The following RTCB variants were observed in gnomAD, a reference collection of about 807,000 sequenced individuals.
RTCB encodes RNA 2',3'-cyclic phosphate and 5'-OH ligase, also known as RNA-splicing ligase RTCB.
RTCB carries 32 observed loss-of-function variants against 58.2 expected under a neutral mutation model. The observed-to-expected ratio is 0.55, with a 90% CI of 0.41 to 0.74. The LOEUF (loss-of-function observed/expected upper bound fraction) is 0.74. Ranked by LOEUF, RTCB falls within the 30% of genes least tolerant of loss-of-function variation. The pLI, the probability that RTCB is intolerant of heterozygous loss-of-function variation, is 0.00. For missense variants in RTCB, 523 were observed against 639.0 expected (o/e 0.82, Z 1.96); for synonymous variants, 247 against 218.6 (o/e 1.13, Z -1.15).
At chr22:32,411,809 T>C (rs1933529071) in intron 1 of RTCB, among the ~76,000 whole-genome samples, 1 of 152,086 alleles carries the variant, frequency 6.6e-6, no homozygotes, top group Non-Finnish European at 1.5e-5. Context: ...GAAACCCCAA[T>C]TTCGTATTTA....
intron 3 of RTCB, chr22:32,407,627 A>C (rs1267376998): frequency 6.6e-6 from 1 of 152,642 alleles, no homozygotes; most frequent in Non-Finnish European, 1.5e-5. Flanking sequence ...ATCCAGGAAT[A>C]ATGTTACCAT....
chr22:32,411,352 G>A (rs867025768), intron 1 of RTCB, among the ~76,000 whole-genome samples: 1 of 152,134 alleles, frequency 6.6e-6, no homozygotes, highest in African/African-American at 2.4e-5. Flanking sequence ...GATGAAGGCC[G>A]AGAGATACAG....
At chr22:32,406,119 A>G (rs1176165244) in intron 4 of RTCB, among the ~76,000 whole-genome samples, 1 of 152,176 alleles carries the variant, frequency 6.6e-6, no homozygotes, top group East Asian at 1.9e-4. Flanking sequence ...TTTGTAGCCA[A>G]AGTCTGAATA....
chr22:32,394,990 C>T, intron 9 of RTCB, 36 bp downstream of exon 9: 1 of 1,546,266 alleles, frequency 6.5e-7, no homozygotes, highest in Non-Finnish European at 8.8e-7. Context: ...AAATCGTGCC[C>T]CCACTGCTTA....
At position 32,406,706 on chromosome 22, in the gene RTCB, A is replaced by G. The variant is rs759978858; in HGVS notation, c.296T>C (p.Met99Thr). Residue 99 changes from methionine (M) to threonine (T), a missense_variant, in exon 4 of 12, where the codon ATG becomes ACG. Coordinates refer to ENST00000216038, the MANE Select transcript of RTCB (RefSeq NM_014306.5). ...HSGYGFAIGN[M>T]AAFDMNDPEA... ...AGGGTCATTCATATCAAAGGCTGCC[A>G]TGTTCCCAATAGCAAACCCATATCC... 1 of 1,613,032 alleles carries G rather than the reference A, an allele frequency of 6.2e-7. No homozygotes were observed. Among genetic ancestry groups the G allele is most frequent in the Non-Finnish European group, 8.5e-7 (1 of 1,179,146 alleles).
At position 32,401,838 on chromosome 22, in the gene RTCB, C is replaced by T. The variant is rs536642868; in HGVS notation, c.406G>A (p.Val136Ile). The change falls in exon 5 of 12, where the codon GTC (valine) becomes ATC (isoleucine). Residue 136 changes from valine (V) to isoleucine (I), a missense_variant. Val to Ile is a conservative substitution (Grantham distance 29, BLOSUM62 3). Coordinates refer to ENST00000216038, the MANE Select transcript of RTCB (RefSeq NM_014306.5). ...GCAAGTTGCTCCTTCACAGGCTGGACATCACTTTCATCTAAATTGGTTCTT... is the reference window on the plus strand; with the variant it reads ...GCAAGTTGCTCCTTCACAGGCTGGATATCACTTTCATCTAAATTGGTTCTT... ...LLRTNLDESD[V>I]QPVKEQLAQA... is the part of the protein sequence containing the mutation. The T allele has an allele frequency of 4.9e-5, 79 of 1,614,110 alleles. 1 individual carries two copies. In the South Asian group the frequency reaches 8.3e-4, roughly 17 times the overall value.
chr22:32,406,744 A>G lies in RTCB; in HGVS notation c.258T>C (p.Pro86=). The change falls in exon 4 of 12, where the codon CCT becomes CCC. Residue 86 remains proline (P), a synonymous_variant. Transcript: ENST00000216038. ...CAAACCCATATCCTGAATGGACATC[A>G]GGAAGCCCAATAGATCGCTGAAAAA... is the stretch of plus-strand genomic sequence containing the variant. ...PGIVHRSIGL[P]DVHSGYGFAI... 1 of 1,611,622 alleles carries G rather than the reference A, an allele frequency of 6.2e-7. No homozygotes were observed. The highest frequency in any genetic ancestry group is 8.5e-7 in the Non-Finnish European group (1 of 1,178,000).
rs144656097 is a variant in RTCB at position 32,406,568 on chromosome 22, G to A, written c.340+94C>T. On this transcript the variant is annotated intron_variant, in intron 4 of 11. Coordinates refer to ENST00000216038, the MANE Select transcript of RTCB (RefSeq NM_014306.5). ...GATCTCTTGACCTCATGATCCACCC[G>A]CCTCGGCCTCCCAAAGTGCTGGGAT... The A allele has an allele frequency of 4.5e-3, 3,388 of 747,262 alleles. 81 individuals carry two copies. The African/African-American group carries it at 0.053, about 12-fold the overall frequency. 46.3% of individuals were successfully genotyped at this position (747,262 alleles called of 1,614,324 possible). A position where few individuals can be genotyped will look rare whatever the true frequency, so the allele number is the denominator to read the frequency against.
chr22:32,391,768 C>A (rs1192619293), intron 11 of RTCB, among the ~76,000 whole-genome samples: 1 of 152,124 alleles, frequency 6.6e-6, no homozygotes, highest in Non-Finnish European at 1.5e-5. Context: ...TTTTTCTTTT[C>A]TCTTAAATCA....
rs1179754633 is a variant in RTCB, at chr22:32,395,078, C to T, written c.1127G>A (p.Gly376Glu). The T allele has an allele frequency of 1.2e-6, 2 of 1,614,044 alleles. No homozygotes were observed. The highest frequency in any genetic ancestry group is 1.3e-5 in the African/African-American group (1 of 74,904). ...KERTLLVHRK[G>E]STRAFPPHHP... is the part of the protein sequence containing the mutation. ...GTGAGGAGGGAAAGCGCGGGTGGAT[C>T]CCTTCCTGTGTACTAACAGTGTCCG... is the stretch of plus-strand genomic sequence containing the variant. Residue 376 changes from glycine (G) to glutamate (E), a missense_variant, in exon 9 of 12, where the codon GGA becomes GAA. This residue lies in a region of RTCB where 248 missense variants were observed against 292.5 expected (regional missense o/e 0.85). Transcript: ENST00000216038.
Position 32,387,929 on chromosome 22 carries a change from A to G in RTCB, c.*63T>C, listed in dbSNP as rs1020931514. On this transcript the variant is annotated 3_prime_UTR_variant, in exon 12 of 12. Coordinates refer to ENST00000216038, the MANE Select transcript of RTCB (RefSeq NM_014306.5). ...GCCTTGAGTCTGATGTCAGAAGAGC[A>G]TGTCAGTCCACTTCCACTTCAGAGA... 9.4e-7 allele frequency: 1 copy of G among 1,067,854 alleles called. No individual in the cohort carries two copies. The highest frequency in any genetic ancestry group is 1.6e-5 in the African/African-American group (1 of 64,322). 66.1% of individuals were successfully genotyped at this position (1,067,854 alleles called of 1,614,324 possible). A position where few individuals can be genotyped will look rare whatever the true frequency, so the allele number is the denominator to read the frequency against.
chr22:32,388,352 C>G (rs1018063358), intron 11 of RTCB, among the ~76,000 whole-genome samples: 4 of 150,796 alleles, frequency 2.7e-5, no homozygotes, highest in Non-Finnish European at 5.9e-5. Context: ...ACTTGTATAA[C>G]TAGGAAATGT....
chr22:32,394,127 T>TC, intron 9 of RTCB, 125 bp from the exon 10 acceptor site: 2 of 609,776 alleles, frequency 3.3e-6, no homozygotes, highest in South Asian at 3.9e-5. Flanking sequence ...TTTTTTTTTT[T>TC]TGAGATGGGA....
chr22:32,389,752 T>G (rs996251323), intron 11 of RTCB, among the ~76,000 whole-genome samples: 1 of 152,218 alleles, frequency 6.6e-6, no homozygotes, highest in African/African-American at 2.4e-5. Flanking sequence ...TCTGCATCAT[T>G]AATTTCTCTT....
chr22:32,388,123 T>C (rs777809130), intron 11 of RTCB, 24 bp from the exon 12 acceptor site: 2 of 1,435,646 alleles, frequency 1.4e-6, no homozygotes, highest in Non-Finnish European at 2.0e-6. Flanking sequence ...ATTTAAACAT[T>C]GTACAAGTCC....
At chr22:32,396,047 G>A (rs757491506) in intron 8 of RTCB, 27 bp downstream of exon 8, 20 of 1,609,362 alleles carry the variant, frequency 1.2e-5, no homozygotes, top group South Asian at 8.8e-5. Context: ...TGAATGACTC[G>A]GAACAGAAGA....
At chr22:32,392,410 C>G in intron 10 of RTCB, 51 bp from the exon 11 acceptor site, 1 of 1,612,186 alleles carries the variant, frequency 6.2e-7, no homozygotes, top group Non-Finnish European at 8.5e-7. Context: ...ATGATAAGCC[C>G]TTTCCCTGAT....
At position 32,395,127 on chromosome 22, in the gene RTCB, G is replaced by C; in HGVS notation, c.1078C>G (p.Gln360Glu). ...CGTTCCTTTCCGTCCACCACATGCTGCTCCACTTTGGCAATGTTGTGAGAA... is the reference window on the plus strand; with the variant it reads ...CGTTCCTTTCCGTCCACCACATGCTCCTCCACTTTGGCAATGTTGTGAGAA... ...DVSHNIAKVE[Q>E]HVVDGKERTL... Residue 360 changes from glutamine (Q) to glutamate (E), a missense_variant, in exon 9 of 12, where the codon CAG (glutamine) becomes GAG (glutamate). Gln to Glu is a conservative substitution (Grantham distance 29, BLOSUM62 2). Coordinates refer to ENST00000216038, the MANE Select transcript of RTCB (RefSeq NM_014306.5). 1.2e-6 allele frequency: 2 copies of C among 1,614,188 alleles called. No homozygotes were observed. Among genetic ancestry groups the C allele is most frequent in the Non-Finnish European group, 1.7e-6 (2 of 1,180,034 alleles).
At chr22:32,398,586 C>A (rs76027700) in intron 6 of RTCB, among the ~76,000 whole-genome samples, 13,879 of 152,170 alleles carry the variant, frequency 0.091, 710 homozygotes, top group Middle Eastern at 0.17. Flanking sequence ...CAAACCAGCA[C>A]ATGTATCCCA....
Sources: allele counts gnomAD v4.1 joint callset (sites outside exome capture counted in the v4.1 genomes callset), GRCh38; gene constraint gnomAD v4.1.1; regional missense constraint gnomAD v4.1.1; transcripts MANE v1.5; gene names NCBI Gene and HGNC (gene_info 2026-07-23, HGNC 2026-07-21).